The following COXFA4 variants were observed in gnomAD, a reference collection of about 807,000 sequenced individuals.
The protein encoded by COXFA4 is cytochrome c oxidase subunit FA4.
chr7:10,938,196 A>G, the COXFA4 span: 2 of 1,512,098 alleles, frequency 1.3e-6, no homozygotes, highest in Non-Finnish European at 1.8e-6. Context: ...AGCACTATTT[A>G]GTGTTTTGTA....
the COXFA4 span, chr7:10,932,828 G>A: frequency 6.6e-6 from 1 of 152,168 alleles, no homozygotes; most frequent in Admixed American, 6.6e-5. Flanking sequence ...AAAATTAACT[G>A]GGCATGGTGG....
the COXFA4 span, chr7:10,933,707 A>G: frequency 1.3e-6 from 2 of 1,598,122 alleles, no homozygotes; most frequent in South Asian, 1.1e-5. Flanking sequence ...GAACAGAAAA[A>G]AAGATATTTT....
At chr7:10,940,023 T>C in the COXFA4 span, 1 of 1,613,958 alleles carries the variant, frequency 6.2e-7, no homozygotes, top group Non-Finnish European at 8.5e-7. Flanking sequence ...TACGCTCGGA[T>C]GCTTCTTGGC....
chr7:10,933,632 T>C, the COXFA4 span: 7 of 1,607,794 alleles, frequency 4.4e-6, no homozygotes, highest in Non-Finnish European at 5.9e-6. Context: ...GTGAAACATT[T>C]CATTTAGAAA....
At chr7:10,939,960 GCA>G in the COXFA4 span, 1 of 1,595,646 alleles carries the variant, frequency 6.3e-7, no homozygotes, top group African/African-American at 1.3e-5. Context: ...AGAAAGAGGC[GCA>G]CCCCGACGCA....
chr7:10,933,941 A>T, the COXFA4 span, among the ~76,000 whole-genome samples: 1 of 152,186 alleles, frequency 6.6e-6, no homozygotes, highest in South Asian at 2.1e-4. Context: ...ACAGTCTACT[A>T]CTTGGAACCT....
chr7:10,937,210 G>A, the COXFA4 span, among the ~76,000 whole-genome samples: 114 of 152,096 alleles, frequency 7.5e-4, no homozygotes, highest in African/African-American at 2.7e-3. Flanking sequence ...TGCATTGAGT[G>A]AGTTATAAAC....
the COXFA4 span, among the ~76,000 whole-genome samples, chr7:10,937,688 T>C: frequency 6.6e-6 from 1 of 152,178 alleles, no homozygotes; most frequent in Admixed American, 6.5e-5. Flanking sequence ...CATGAAATCA[T>C]TCTCTAGAAG....
At chr7:10,933,272 AGTT>A in the COXFA4 span, 21 of 183,832 alleles carry the variant, frequency 1.1e-4, no homozygotes, top group Admixed American at 1.2e-3. Context: ...TTCCAGTTCC[AGTT>A]GTTATGTATG....
chr7:10,935,212 GATTTACT>G, the COXFA4 span, among the ~76,000 whole-genome samples: 1 of 152,216 alleles, frequency 6.6e-6, no homozygotes, highest in African/African-American at 2.4e-5. Flanking sequence ...GCAGGCTCCT[GATTTACT>G]TGCTTCATAT....
At chr7:10,932,211 A>C in the COXFA4 span, 1 of 152,190 alleles carries the variant, frequency 6.6e-6, no homozygotes. Context: ...AAACAAGCTA[A>C]AGCGCATGGG....
the COXFA4 span, chr7:10,938,575 G>T: frequency 2.1e-6 from 1 of 470,932 alleles, no homozygotes; most frequent in Non-Finnish European, 3.8e-6. Context: ...AACATTACAA[G>T]ATTTGGTATT....
the COXFA4 span, among the ~76,000 whole-genome samples, chr7:10,934,290 A>G: frequency 7.3e-5 from 11 of 151,484 alleles, no homozygotes; most frequent in Non-Finnish European, 1.2e-4. Flanking sequence ...TTTAAATAAT[A>G]CGGTATTTTT....
chr7:10,937,447 T>C, the COXFA4 span, among the ~76,000 whole-genome samples: 1 of 152,000 alleles, frequency 6.6e-6, no homozygotes, highest in African/African-American at 2.4e-5. Flanking sequence ...CATGCCCAGC[T>C]AATTTTTGTA....
chr7:10,932,777 C>T, the COXFA4 span: 1 of 152,248 alleles, frequency 6.6e-6, no homozygotes, highest in Non-Finnish European at 1.5e-5. Context: ...TGAGACCAGC[C>T]TGGGCAACAT....
chr7:10,938,103 T>C, the COXFA4 span: 238 of 1,613,290 alleles, frequency 1.5e-4, 1 homozygote, highest in African/African-American at 2.5e-3. Flanking sequence ...GTATTGATCA[T>C]TGGGACCCAG....
the COXFA4 span, among the ~76,000 whole-genome samples, chr7:10,936,142 A>C: frequency 6.6e-6 from 1 of 152,192 alleles, no homozygotes; most frequent in African/African-American, 2.4e-5. Context: ...GGTTTAGAAA[A>C]AGTATTAAGT....
the COXFA4 span, chr7:10,932,100 C>A: frequency 2.0e-5 from 3 of 152,166 alleles, no homozygotes; most frequent in Admixed American, 2.0e-4. Flanking sequence ...ATTTTGCCCA[C>A]CAATGGACAT....
the COXFA4 span, chr7:10,940,101 A>G: frequency 6.3e-7 from 1 of 1,599,248 alleles, no homozygotes; most frequent in African/African-American, 1.3e-5. Flanking sequence ...GAACCGACCT[A>G]GCCACCAGGC....
Sources: allele counts gnomAD v4.1 joint callset (sites outside exome capture counted in the v4.1 genomes callset), GRCh38; gene constraint gnomAD v4.1.1; transcripts MANE v1.5; gene names NCBI Gene and HGNC (gene_info 2026-07-23, HGNC 2026-07-21).